The following AKT3 variants were observed in gnomAD, a reference collection of about 807,000 sequenced individuals.
AKT3 encodes RAC-gamma serine/threonine-protein kinase.
AKT3 carries 15 observed loss-of-function variants against 65.3 expected under a neutral mutation model. The observed-to-expected ratio is 0.23, with a 90% CI of 0.15 to 0.35. The LOEUF (loss-of-function observed/expected upper bound fraction) is 0.35. AKT3 is among the 10% of genes least tolerant of loss of function. The pLI is 1.00. For synonymous variants in AKT3, 206 were observed against 183.8 expected (o/e 1.12, Z -0.98); for missense variants, 243 against 576.5 (o/e 0.42, Z 5.92).
At chr1:243,652,771 C>CAAAAAAA (rs371580711) in intron 4 of AKT3, among the ~76,000 whole-genome samples, 12 of 31,292 alleles carry the variant, frequency 3.8e-4, no homozygotes, top group East Asian at 3.3e-3. Flanking sequence ...AAATAGAAAG[C>CAAAAAAA]AAAAAAAAAA....
At chr1:243,497,808 C>T (rs920506813), downstream of AKT3, among the ~76,000 whole-genome samples, 2 of 152,094 alleles carry the variant, frequency 1.3e-5, no homozygotes, top group Non-Finnish European at 2.9e-5. Flanking sequence ...CCTTTTGAGT[C>T]GCTGGGACTA....
At chr1:243,578,228 G>C (rs1396833235) in intron 8 of AKT3, among the ~76,000 whole-genome samples, 1 of 152,026 alleles carries the variant, frequency 6.6e-6, no homozygotes, top group African/African-American at 2.4e-5. Context: ...ACAAAGATAC[G>C]TGCATGCATA....
chr1:243,699,465 CTATA>C lies in AKT3; in HGVS notation c.47-3753_47-3750del, dbSNP rs58911364. On this transcript the variant is annotated intron_variant, in intron 2 of 13. Transcript: ENST00000673466. ...AAGACTTCCAACCCAACCTCTTCCACTATATATATATATATATATATATATATAT... is the reference window on the plus strand; with the variant it reads ...AAGACTTCCAACCCAACCTCTTCCACTATATATATATATATATATATATAT... 6.8e-3 allele frequency among the ~76,000 whole-genome samples: 701 copies of C among 103,098 alleles called. 1 individual carries two copies. Among genetic ancestry groups the C allele is most frequent in the Middle Eastern group, 0.01 (2 of 200 alleles). The allele number at this position is 103,098 out of a possible 152,430, so 67.6% of individuals were successfully genotyped here.
chr1:243,540,422 AG>A (rs752526308), intron 12 of AKT3, among the ~76,000 whole-genome samples: 1 of 152,220 alleles, frequency 6.6e-6, no homozygotes, highest in Non-Finnish European at 1.5e-5. Context: ...TCAGTAACCT[AG>A]GACTAGAACT....
At chr1:243,541,176 T>C (rs946924845) in intron 12 of AKT3, among the ~76,000 whole-genome samples, 3 of 152,226 alleles carry the variant, frequency 2.0e-5, no homozygotes, top group African/African-American at 7.2e-5. Flanking sequence ...ATTTTCACTC[T>C]GGAGTTCTAA....
At chr1:243,735,002 TC>T (rs1687764846) in intron 2 of AKT3, 1 of 152,178 alleles carries the variant, frequency 6.6e-6, no homozygotes, top group African/African-American at 2.4e-5. Flanking sequence ...CCACATCTTG[TC>T]CCAGTGGAGG....
intron 2 of AKT3, among the ~76,000 whole-genome samples, chr1:243,801,805 G>A (rs1036627445): frequency 2.6e-5 from 4 of 152,172 alleles, no homozygotes; most frequent in South Asian, 2.1e-4. Context: ...AAAAATTATC[G>A]AGCCACATTT....
intron 2 of AKT3, among the ~76,000 whole-genome samples, chr1:243,745,960 T>C (rs1688451588): frequency 1.3e-5 from 2 of 152,206 alleles, no homozygotes; most frequent in East Asian, 3.8e-4. Flanking sequence ...ACTCAATGCA[T>C]TCAGAACTTC....
At chr1:243,834,782 TCAGA>T (rs886631089) in intron 2 of AKT3, among the ~76,000 whole-genome samples, 2 of 151,124 alleles carry the variant, frequency 1.3e-5, no homozygotes, top group African/African-American at 4.9e-5. Flanking sequence ...AAAAAAAATA[TCAGA>T]CAGAAAATGA....
chr1:243,512,674 C>T (rs904060497), intron 12 of AKT3, among the ~76,000 whole-genome samples: 49 of 151,982 alleles, frequency 3.2e-4, no homozygotes, highest in African/African-American at 7.3e-5. Flanking sequence ...TTGAATAGGA[C>T]GGGAGAGGGA....
intron 2 of AKT3, among the ~76,000 whole-genome samples, chr1:243,766,087 T>C (rs1689797964): frequency 6.6e-6 from 1 of 152,190 alleles, no homozygotes; most frequent in Non-Finnish European, 1.5e-5. Context: ...TCTCAAAACT[T>C]ATTGTAAGTC....
chr1:243,544,502 G>A (rs1016843014), intron 12 of AKT3, among the ~76,000 whole-genome samples: 7 of 152,024 alleles, frequency 4.6e-5, no homozygotes, highest in Admixed American at 1.3e-4. Context: ...CCTGCAGTCC[G>A]AGCTACTTGG....
At chr1:243,813,792 T>G (rs1693338969) in intron 2 of AKT3, among the ~76,000 whole-genome samples, 2 of 152,174 alleles carry the variant, frequency 1.3e-5, no homozygotes, top group Non-Finnish European at 2.9e-5. Flanking sequence ...TCCATTCAAA[T>G]GATTCAATTA....
At chr1:243,492,511 C>T (rs898778143) in intron 13 of AKT3, among the ~76,000 whole-genome samples, 5 of 151,040 alleles carry the variant, frequency 3.3e-5, no homozygotes, top group African/African-American at 1.2e-4. Context: ...GCCATGTTGG[C>T]CAGGCTGGTC....
At chr1:243,681,250 T>C (rs948558592) in intron 3 of AKT3, among the ~76,000 whole-genome samples, 3 of 152,146 alleles carry the variant, frequency 2.0e-5, no homozygotes, top group Admixed American at 6.6e-5. Context: ...TATGTACATA[T>C]ATATATGTAT....
chr1:243,561,087 T>C (rs887651878), intron 10 of AKT3, among the ~76,000 whole-genome samples: 2 of 152,044 alleles, frequency 1.3e-5, no homozygotes, highest in African/African-American at 4.8e-5. Flanking sequence ...AACTACAAAT[T>C]TTTAAAGAGA....
At chr1:243,709,021 T>G (rs1205228003) in intron 2 of AKT3, among the ~76,000 whole-genome samples, 2 of 151,952 alleles carry the variant, frequency 1.3e-5, no homozygotes, top group East Asian at 1.9e-4. Context: ...AGTCAATCAA[T>G]GTACACTGGG....
At chr1:243,564,145 C>T (rs1483119077) in intron 9 of AKT3, among the ~76,000 whole-genome samples, 1 of 152,116 alleles carries the variant, frequency 6.6e-6, no homozygotes. Flanking sequence ...CTTTTCAAAG[C>T]AAACATCAAT....
At chr1:243,763,124 A>G (rs1689595936) in intron 2 of AKT3, among the ~76,000 whole-genome samples, 1 of 152,074 alleles carries the variant, frequency 6.6e-6, no homozygotes, top group Non-Finnish European at 1.5e-5. Context: ...CAATTTCTAA[A>G]TCATCATTTT....
Sources: allele counts gnomAD v4.1 joint callset (sites outside exome capture counted in the v4.1 genomes callset), GRCh38; gene constraint gnomAD v4.1.1; transcripts MANE v1.5; gene names NCBI Gene and HGNC (gene_info 2026-07-23, HGNC 2026-07-21).